LOXL2: variants seen among roughly 807,000 people sequenced by gnomAD.
LOXL2 encodes the protein lysyl oxidase homolog 2.
In LOXL2, 70 loss-of-function variants were observed where a neutral mutation model predicts 93.0. The observed-to-expected ratio is 0.75, with a 90% CI of 0.62 to 0.92. The LOEUF (loss-of-function observed/expected upper bound fraction) is 0.92, where lower values mean the gene tolerates loss of function less well. Among genes scored for constraint, LOXL2 ranks in the 40% least tolerant of loss-of-function variants. The pLI is 0.00. For missense variants in LOXL2, 973 were observed against 1,054.9 expected (o/e 0.92, Z 1.08); for synonymous variants, 438 against 413.2 (o/e 1.06, Z -0.73).
At chr8:23,306,184 G>A (rs957349674) in intron 10 of LOXL2, among the ~76,000 whole-genome samples, 3 of 152,138 alleles carry the variant, frequency 2.0e-5, no homozygotes, top group African/African-American at 7.2e-5. Flanking sequence ...GGCAGATAAA[G>A]CTGGTTCAGA....
At chr8:23,351,792 C>A (rs1804097367) in intron 3 of LOXL2, among the ~76,000 whole-genome samples, 1 of 152,158 alleles carries the variant, frequency 6.6e-6, no homozygotes, top group South Asian at 2.1e-4. Context: ...GCCCTGGCTA[C>A]ATATAGACTC....
chr8:23,313,849 G>A (rs1444003578), intron 9 of LOXL2, among the ~76,000 whole-genome samples: 6 of 151,650 alleles, frequency 4.0e-5, no homozygotes, highest in Non-Finnish European at 5.9e-5. Flanking sequence ...TACCATCAGA[G>A]TGAACAGGCA....
intron 1 of LOXL2, among the ~76,000 whole-genome samples, chr8:23,391,707 T>C (rs73549887): frequency 0.039 from 5,992 of 152,192 alleles, 368 homozygotes; most frequent in African/African-American, 0.14. Context: ...ATGAAATCAC[T>C]GCAAGCAAGT....
intron 9 of LOXL2, among the ~76,000 whole-genome samples, chr8:23,314,852 T>G (rs1480738361): frequency 6.9e-6 from 1 of 144,798 alleles, no homozygotes; most frequent in East Asian, 2.0e-4. Flanking sequence ...AAAATAAAAA[T>G]AAAAAAGGAG....
At chr8:23,392,183 A>T (rs928226654) in intron 1 of LOXL2, among the ~76,000 whole-genome samples, 1 of 152,190 alleles carries the variant, frequency 6.6e-6, no homozygotes, top group Non-Finnish European at 1.5e-5. Context: ...TGGCACAGAG[A>T]CCACAGCCAC....
Position 23,321,170 on chromosome 8 carries a change from A to C in LOXL2, c.1302+960T>G, listed in dbSNP as rs1247769750. Among the ~76,000 whole-genome samples, 6 of 152,264 alleles carry C rather than the reference A, an allele frequency of 3.9e-5. No homozygotes were observed. In the East Asian group the frequency reaches 1.2e-3, roughly 29 times the overall value. ...AGCAGTGTTCCTGCTCTAGGTCCTA[A>C]AGCCAAGGCAAGTCTCAGAGGCTCT... On this transcript the variant is annotated intron_variant, in intron 7 of 13. Transcript: ENST00000389131.
At chr8:23,347,555 C>G (rs963614544) in intron 3 of LOXL2, among the ~76,000 whole-genome samples, 3 of 152,082 alleles carry the variant, frequency 2.0e-5, no homozygotes, top group East Asian at 1.9e-4. Flanking sequence ...GAGGCTGAGG[C>G]AGGAAAATCG....
intron 2 of LOXL2, among the ~76,000 whole-genome samples, chr8:23,361,702 G>A (rs568230455): frequency 6.6e-5 from 10 of 152,218 alleles, no homozygotes; most frequent in Admixed American, 2.6e-4. Flanking sequence ...TTAGACAGGC[G>A]TGGTGGCACG....
chr8:23,354,999 C>T (rs1804168800), intron 3 of LOXL2, among the ~76,000 whole-genome samples: 1 of 134,516 alleles, frequency 7.4e-6, no homozygotes, highest in African/African-American at 2.8e-5. Context: ...GCTCTTGTTG[C>T]CCAGGCTGGA....
At chr8:23,370,067 A>C (rs1473872241) in intron 1 of LOXL2, among the ~76,000 whole-genome samples, 1 of 152,126 alleles carries the variant, frequency 6.6e-6, no homozygotes, top group Admixed American at 6.5e-5. Context: ...ATCCCATATA[A>C]AAAGTCCTGG....
chr8:23,392,022 G>A (rs1250430709), intron 1 of LOXL2, among the ~76,000 whole-genome samples: 3 of 152,120 alleles, frequency 2.0e-5, no homozygotes, highest in Non-Finnish European at 4.4e-5. Flanking sequence ...AGCAGACCTC[G>A]CCCTTGGCTC....
At chr8:23,300,049 C>T (rs1803103389) in intron 12 of LOXL2, among the ~76,000 whole-genome samples, 1 of 152,266 alleles carries the variant, frequency 6.6e-6, no homozygotes, top group African/African-American at 2.4e-5. Flanking sequence ...TAGCTGCCCC[C>T]TCGTTCCTGG....
chr8:23,316,534 C>A (rs530169179), intron 9 of LOXL2, among the ~76,000 whole-genome samples: 1 of 152,118 alleles, frequency 6.6e-6, no homozygotes, highest in Non-Finnish European at 1.5e-5. Context: ...AGCGAACTAC[C>A]GGGCAGCTAA....
intron 1 of LOXL2, among the ~76,000 whole-genome samples, chr8:23,403,735 C>G (rs1800181766): frequency 6.6e-6 from 1 of 152,072 alleles, no homozygotes; most frequent in African/African-American, 2.4e-5. Context: ...GCGCCGCGCC[C>G]GGCCCGTACG....
At chr8:23,346,128 AAAATAAAATAAAAT>A (rs1803971794) in intron 3 of LOXL2, among the ~76,000 whole-genome samples, 1 of 37,986 alleles carries the variant, frequency 2.6e-5, no homozygotes, top group East Asian at 4.3e-4. Context: ...AAAATAAAAT[AAAATAAAATAAAAT>A]AAATAAAATA....
chr8:23,298,130 G>C lies in LOXL2; in HGVS notation c.2246-8C>G. On this transcript the variant is annotated splice_region_variant and splice_polypyrimidine_tract_variant and intron_variant, in intron 13 of 13. Coordinates refer to ENST00000389131, the MANE Select transcript of LOXL2 (RefSeq NM_002318.3). ...CTTCGCTGAAGGAACCACCTGAAGAGCGAGAATCGGGTAGAGAGAGTGGAC... is the reference window on the plus strand; with the variant it reads ...CTTCGCTGAAGGAACCACCTGAAGACCGAGAATCGGGTAGAGAGAGTGGAC... 2 of 1,610,100 alleles carry C rather than the reference G, an allele frequency of 1.2e-6. No individual in the cohort carries two copies. The highest frequency in any genetic ancestry group is 8.5e-7 in the Non-Finnish European group (1 of 1,177,086).
rs1336389706 is a variant in LOXL2 at position 23,374,219 on chromosome 8, AAT to A, written c.-83-5787_-83-5786del. ...GTGGTGTTTGGTTTTTTGTTCTTGC[AAT>A]AGTTTGCTGAGAATGATGGTTTCCA... On this transcript the variant is annotated intron_variant, in intron 1 of 13. Transcript: ENST00000389131. Among the ~76,000 whole-genome samples, 4 of 150,948 alleles carry A rather than the reference AAT, an allele frequency of 2.6e-5. 1 individual carries two copies. Among genetic ancestry groups the A allele is most frequent in the East Asian group, 2.0e-4 (1 of 5,092 alleles).
intron 3 of LOXL2, among the ~76,000 whole-genome samples, chr8:23,355,775 A>C (rs1804187713): frequency 6.6e-6 from 1 of 151,234 alleles, no homozygotes; most frequent in South Asian, 2.1e-4. Context: ...ATGCCACGTT[A>C]ATTTTTTTAA....
At chr8:23,373,705 A>C (rs1804539928) in intron 1 of LOXL2, among the ~76,000 whole-genome samples, 1 of 152,124 alleles carries the variant, frequency 6.6e-6, no homozygotes, top group Admixed American at 6.6e-5. Context: ...CTTGGGAGGA[A>C]ACTGAGGGAC....
Sources: allele counts gnomAD v4.1 joint callset (sites outside exome capture counted in the v4.1 genomes callset), GRCh38; gene constraint gnomAD v4.1.1; transcripts MANE v1.5; gene names NCBI Gene and HGNC (gene_info 2026-07-23, HGNC 2026-07-21).